MTA3: variants seen among roughly 807,000 people sequenced by gnomAD.
The protein encoded by MTA3 is metastasis-associated protein MTA3.
MTA3 carries 34 observed loss-of-function variants against 83.5 expected under a neutral mutation model. That is an observed-to-expected ratio of 0.41 (90% CI 0.31 to 0.54). The LOEUF is 0.54. Among genes scored for constraint, MTA3 ranks in the 20% least tolerant of loss-of-function variants. The pLI, the probability that MTA3 is intolerant of heterozygous loss-of-function variation, is 0.33. For synonymous variants in MTA3, 303 were observed against 252.7 expected (o/e 1.20, Z -1.89); for missense variants, 761 against 726.4 (o/e 1.05, Z -0.55).
At chr2:42,632,281 A>G (rs917897686) in intron 4 of MTA3, among the ~76,000 whole-genome samples, 2 of 151,120 alleles carry the variant, frequency 1.3e-5, no homozygotes, top group African/African-American at 4.9e-5. Context: ...TAGTAGAGAC[A>G]GGGTTTCACC....
chr2:42,723,299 C>G (rs1667562839), intron 16 of MTA3: 1 of 426,188 alleles, frequency 2.3e-6, no homozygotes, highest in African/African-American at 2.0e-5. Context: ...CAGATTGCTT[C>G]TGCTGGGTAA....
intron 8 of MTA3, among the ~76,000 whole-genome samples, chr2:42,667,619 GAA>G (rs1412401846): frequency 0.084 from 4,794 of 57,054 alleles, 153 homozygotes; most frequent in South Asian, 0.19. Context: ...TATAGAGAGA[GAA>G]AGAGAGAGAG....
intron 16 of MTA3, among the ~76,000 whole-genome samples, chr2:42,751,661 G>A (rs899247210): frequency 2.0e-5 from 3 of 152,230 alleles, no homozygotes; most frequent in Admixed American, 1.3e-4. Flanking sequence ...GATGCTAGGA[G>A]GAGAGGGTTG....
At chr2:42,714,732 G>T (rs1014417093) in intron 14 of MTA3, among the ~76,000 whole-genome samples, 2 of 152,192 alleles carry the variant, frequency 1.3e-5, no homozygotes, top group Non-Finnish European at 2.9e-5. Context: ...GGTGTGGGCC[G>T]TGATGGTTTT....
chr2:42,569,217 G>T (rs942550818), intron 1 of MTA3, among the ~76,000 whole-genome samples: 2 of 151,532 alleles, frequency 1.3e-5, no homozygotes, highest in African/African-American at 4.8e-5. Flanking sequence ...GGGGCGGTGG[G>T]GGCCCAGCCA....
intron 8 of MTA3, among the ~76,000 whole-genome samples, chr2:42,664,655 T>C (rs764675622): frequency 2.6e-4 from 40 of 151,876 alleles, no homozygotes; most frequent in Non-Finnish European, 3.8e-4. Context: ...CTAATTACGG[T>C]CCTATTCTGA....
chr2:42,583,618 T>C (rs1359547194), intron 3 of MTA3, among the ~76,000 whole-genome samples: 1 of 151,762 alleles, frequency 6.6e-6, no homozygotes, highest in East Asian at 2.0e-4. Flanking sequence ...ACTGCAGCCT[T>C]CCCTGGTTCA....
intron 14 of MTA3, among the ~76,000 whole-genome samples, chr2:42,714,983 C>G (rs1270873761): frequency 6.6e-6 from 1 of 152,206 alleles, no homozygotes; most frequent in East Asian, 1.9e-4. Context: ...GACCCCTGCT[C>G]TAGGAAACTA....
chr2:42,525,487 C>CTTCCTTCCTTCT (rs1172651448), intron 2 of MTA3, among the ~76,000 whole-genome samples: 10 of 147,984 alleles, frequency 6.8e-5, no homozygotes, highest in East Asian at 2.1e-4. Flanking sequence ...TCCTTCCTTC[C>CTTCCTTCCTTCT]TTCCTTCCTT....
chr2:42,552,623 CAA>C (rs536783114), intron 2 of MTA3, among the ~76,000 whole-genome samples: 75 of 88,242 alleles, frequency 8.5e-4, no homozygotes, highest in Middle Eastern at 7.0e-3. Context: ...ACTCCTTGTC[CAA>C]AAAAAAAAAA....
At chr2:42,669,795 CAGCCTT>C (rs1390326871) in intron 8 of MTA3, among the ~76,000 whole-genome samples, 1 of 152,090 alleles carries the variant, frequency 6.6e-6, no homozygotes, top group African/African-American at 2.4e-5. Flanking sequence ...GGGGTAAATA[CAGCCTT>C]TTACTTTTTC....
intron 3 of MTA3, among the ~76,000 whole-genome samples, chr2:42,601,998 C>T (rs1052497200): frequency 5.3e-5 from 8 of 152,188 alleles, no homozygotes; most frequent in African/African-American, 1.9e-4. Flanking sequence ...CACCACCTTG[C>T]CCGGCTAATT....
chr2:42,586,750 C>T (rs1680380927), intron 3 of MTA3, among the ~76,000 whole-genome samples: 1 of 152,020 alleles, frequency 6.6e-6, no homozygotes, highest in South Asian at 2.1e-4. Context: ...ATTGGCTGGG[C>T]ATGGTGGCTA....
chr2:42,749,367 TTAC>T (rs1223882505), intron 16 of MTA3, among the ~76,000 whole-genome samples: 2 of 152,238 alleles, frequency 1.3e-5, no homozygotes, highest in African/African-American at 4.8e-5. Flanking sequence ...TCACTTTTTC[TTAC>T]TTTGTCTCTC....
intron 2 of MTA3, among the ~76,000 whole-genome samples, chr2:42,561,096 T>A (rs905089994): frequency 6.6e-6 from 1 of 152,080 alleles, no homozygotes; most frequent in African/African-American, 2.4e-5. Flanking sequence ...CATGATCAGG[T>A]CAGGCTGCTT....
intron 3 of MTA3, among the ~76,000 whole-genome samples, chr2:42,602,639 A>G (rs1465754250): frequency 6.6e-6 from 1 of 152,116 alleles, no homozygotes; most frequent in Admixed American, 6.6e-5. Context: ...AGGGTGATCA[A>G]ATTGTCCTCA....
chr2:42,682,854 C>G, intron 9 of MTA3: 1 of 380,136 alleles, frequency 2.6e-6, no homozygotes, highest in East Asian at 4.8e-5. Context: ...GGGTGAATCA[C>G]AAGGTCAGGA....
chr2:42,724,131 G>C (rs1336321756), intron 16 of MTA3, among the ~76,000 whole-genome samples: 1 of 152,054 alleles, frequency 6.6e-6, no homozygotes, highest in Non-Finnish European at 1.5e-5. Context: ...GTGAAGATTG[G>C]ATGTATTTCT....
At chr2:42,579,326 G>A in intron 3 of MTA3, 126 bp downstream of exon 3, 1 of 665,914 alleles carries the variant, frequency 1.5e-6, no homozygotes, top group Non-Finnish European at 2.5e-6. Context: ...AGTTTTGATG[G>A]GAGTAAAATA....
Sources: allele counts gnomAD v4.1 joint callset (sites outside exome capture counted in the v4.1 genomes callset), GRCh38; gene constraint gnomAD v4.1.1; transcripts MANE v1.5; gene names NCBI Gene and HGNC (gene_info 2026-07-23, HGNC 2026-07-21).